TJP1: variants seen among roughly 807,000 people sequenced by gnomAD.
The protein encoded by TJP1 is tight junction protein ZO-1.
A neutral mutation model predicts 194.2 loss-of-function variants in TJP1; 43 were observed. The observed-to-expected ratio is 0.22, with a 90% CI of 0.17 to 0.29. The LOEUF is 0.29. Ranked by LOEUF, TJP1 falls within the 10% of genes least tolerant of loss-of-function variation. The pLI, the probability that TJP1 is intolerant of heterozygous loss-of-function variation, is 1.00. For synonymous variants in TJP1, 801 were observed against 779.0 expected (o/e 1.03, Z -0.47); for missense variants, 1,971 against 2,185.7 (o/e 0.90, Z 1.96).
chr15:29,855,282 G>C (rs1402148588), intron 2 of TJP1, among the ~76,000 whole-genome samples: 1 of 152,200 alleles, frequency 6.6e-6, no homozygotes, highest in African/African-American at 2.4e-5. Context: ...TAAGGTACAA[G>C]TTAGTCTCAA....
chr15:29,820,137 C>T (rs2050223136), intron 1 of TJP1, among the ~76,000 whole-genome samples: 3 of 149,366 alleles, frequency 2.0e-5, no homozygotes, highest in Admixed American at 6.7e-5. Flanking sequence ...ACAGTAACAG[C>T]GAGCTTCCAA....
chr15:29,740,585 T>C (rs1360607534), intron 10 of TJP1, among the ~76,000 whole-genome samples: 7 of 151,862 alleles, frequency 4.6e-5, no homozygotes, highest in Non-Finnish European at 5.9e-5. Flanking sequence ...TTAGCCGAGA[T>C]TGCACCACGG....
intron 4 of TJP1, among the ~76,000 whole-genome samples, chr15:29,770,310 G>A (rs1595832136): frequency 6.6e-6 from 1 of 151,862 alleles, no homozygotes; most frequent in African/African-American, 2.4e-5. Flanking sequence ...GGGCTTGGTA[G>A]CGGTCGCCTG....
chr15:29,860,844 T>C (rs1484358090), intron 2 of TJP1, among the ~76,000 whole-genome samples: 1 of 152,212 alleles, frequency 6.6e-6, no homozygotes, highest in African/African-American at 2.4e-5. Context: ...ATTTTTCTAA[T>C]GGCCTGTACT....
At chr15:29,730,683 C>T in intron 15 of TJP1, 1 of 747,996 alleles carries the variant, frequency 1.3e-6, no homozygotes, top group East Asian at 2.6e-5. Flanking sequence ...ATCCCACGTC[C>T]AGCACCTACG....
Position 29,704,110 on chromosome 15 carries a change from T to C in TJP1, c.5212+52A>G. 4 of 1,529,638 alleles carry C rather than the reference T, an allele frequency of 2.6e-6. No homozygotes were observed. The South Asian group carries it at 3.6e-5, about 14-fold the overall frequency. 94.8% of individuals were successfully genotyped at this position (1,529,638 alleles called of 1,614,324 possible). ...TGGGCAGCATCATCAGCCCAGGTAT[T>C]AATCAACGACAGTCCCCAAAGCTCC... is the stretch of plus-strand genomic sequence containing the variant. On this transcript the variant is annotated intron_variant, in intron 27 of 27. Coordinates refer to ENST00000614355, the MANE Select transcript of TJP1 (RefSeq NM_001330239.4).
intron 8 of TJP1, among the ~76,000 whole-genome samples, chr15:29,752,117 C>A (rs1333075279): frequency 1.8e-5 from 2 of 113,214 alleles, no homozygotes; most frequent in African/African-American, 6.9e-5. Flanking sequence ...TTTTTTTTTC[C>A]CCCCAGACGG....
At chr15:29,862,620 G>A (rs2052124048) in intron 2 of TJP1, among the ~76,000 whole-genome samples, 1 of 151,244 alleles carries the variant, frequency 6.6e-6, no homozygotes. Flanking sequence ...TTGCCCTTGG[G>A]AGGTAGGCAA....
intron 2 of TJP1, among the ~76,000 whole-genome samples, chr15:29,854,414 G>T (rs1244635601): frequency 1.3e-5 from 2 of 152,144 alleles, no homozygotes; most frequent in Non-Finnish European, 2.9e-5. Flanking sequence ...TATGTCCAAT[G>T]ATAAATGTCC....
At chr15:29,791,066 C>CTTCATTTTGTTG in intron 2 of TJP1, among the ~76,000 whole-genome samples, 3 of 150,946 alleles carry the variant, frequency 2.0e-5, no homozygotes, top group Non-Finnish European at 4.5e-5. Context: ...CTCACTCTGT[C>CTTCATTTTGTTG]ACCAGGCTGG....
intron 2 of TJP1, among the ~76,000 whole-genome samples, chr15:29,895,009 T>C (rs2053432554): frequency 6.6e-6 from 1 of 152,216 alleles, no homozygotes. Context: ...CAGTTCATCC[T>C]TGGCCCATCC....
At chr15:29,866,783 T>A (rs1236480999) in intron 2 of TJP1, among the ~76,000 whole-genome samples, 1 of 152,126 alleles carries the variant, frequency 6.6e-6, no homozygotes, top group Non-Finnish European at 1.5e-5. Flanking sequence ...TAATAAAAAA[T>A]AACGAGGCCG....
At chr15:29,957,873 T>C (rs1419285145) in intron 1 of TJP1, among the ~76,000 whole-genome samples, 7 of 152,174 alleles carry the variant, frequency 4.6e-5, no homozygotes, top group Non-Finnish European at 7.4e-5. Flanking sequence ...CAACAGTATA[T>C]GAGAATACCC....
At chr15:29,968,738 C>A in exon 1 of TJP1, 1 of 1,232,126 alleles carries the variant, frequency 8.1e-7, no homozygotes. Flanking sequence ...TCTGCAGCAC[C>A]GTCAGGTATT....
At chr15:29,770,439 A>C (rs1354387983) in intron 4 of TJP1, among the ~76,000 whole-genome samples, 1 of 151,682 alleles carries the variant, frequency 6.6e-6, no homozygotes, top group Non-Finnish European at 1.5e-5. Flanking sequence ...TCTTAAAAAA[A>C]CACAGCCTGT....
chr15:29,888,317 A>G (rs938129281), intron 2 of TJP1, among the ~76,000 whole-genome samples: 1 of 152,174 alleles, frequency 6.6e-6, no homozygotes, highest in Non-Finnish European at 1.5e-5. Context: ...GAAATATATT[A>G]GGTATAACAG....
intron 2 of TJP1, among the ~76,000 whole-genome samples, chr15:29,829,758 T>G (rs1423470549): frequency 1.3e-5 from 2 of 151,932 alleles, no homozygotes; most frequent in Non-Finnish European, 2.9e-5. Flanking sequence ...AACAAATAAA[T>G]GTAAAATACA....
chr15:29,906,454 C>A (rs559038511), intron 2 of TJP1, among the ~76,000 whole-genome samples: 1 of 108,120 alleles, frequency 9.2e-6, no homozygotes, highest in African/African-American at 3.7e-5. Context: ...GGCGATAGAG[C>A]GAGACTCCGT....
intron 2 of TJP1, 39 bp downstream of exon 2, chr15:29,800,607 T>G (rs775892420): frequency 1.7e-5 from 28 of 1,602,868 alleles, no homozygotes; most frequent in South Asian, 4.5e-5. Flanking sequence ...GCCAGTATCC[T>G]GAGTTATACA....
Sources: allele counts gnomAD v4.1 joint callset (sites outside exome capture counted in the v4.1 genomes callset), GRCh38; gene constraint gnomAD v4.1.1; transcripts MANE v1.5; gene names NCBI Gene and HGNC (gene_info 2026-07-23, HGNC 2026-07-21).